The following GRIA1 variants were observed in gnomAD, a reference collection of about 807,000 sequenced individuals.
GRIA1 encodes glutamate receptor 1.
In GRIA1, 31 loss-of-function variants were observed where a neutral mutation model predicts 99.2. The ratio of observed to expected loss-of-function variants is 0.31; its 90% CI spans 0.23 to 0.42. The LOEUF (loss-of-function observed/expected upper bound fraction) is 0.42, where lower values mean the gene tolerates loss of function less well. Among genes scored for constraint, GRIA1 ranks in the 10% least tolerant of loss-of-function variants. The pLI, the probability that GRIA1 is intolerant of heterozygous loss-of-function variation, is 1.00. For missense variants in GRIA1, 782 were observed against 1,157.5 expected (o/e 0.68, Z 4.71); for synonymous variants, 438 against 432.4 (o/e 1.01, Z -0.16).
chr5:153,492,949 T>C (rs1252254566), intron 1 of GRIA1, among the ~76,000 whole-genome samples: 1 of 152,234 alleles, frequency 6.6e-6, no homozygotes, highest in African/African-American at 2.4e-5. Context: ...AAGTTAGAAG[T>C]GCATTATGTT....
chr5:153,604,062 T>C (rs1222119346), intron 2 of GRIA1, among the ~76,000 whole-genome samples: 1 of 152,224 alleles, frequency 6.6e-6, no homozygotes, highest in Non-Finnish European at 1.5e-5. Flanking sequence ...ATTTCATTTT[T>C]GTAATGTTAC....
intron 2 of GRIA1, among the ~76,000 whole-genome samples, chr5:153,580,360 A>C: frequency 6.6e-6 from 1 of 152,306 alleles, no homozygotes; most frequent in Non-Finnish European, 1.5e-5. Flanking sequence ...TAAATCTTCA[A>C]GTTCATTTAC....
intron 5 of GRIA1, among the ~76,000 whole-genome samples, chr5:153,658,393 C>T (rs2963943): frequency 0.45 from 68,033 of 151,948 alleles, 16,015 homozygotes; most frequent in Non-Finnish European, 0.5. Context: ...GCCTCTTGGG[C>T]TGTTGTATCC....
chr5:153,711,088 C>T (rs973252364), intron 11 of GRIA1, among the ~76,000 whole-genome samples: 10 of 152,098 alleles, frequency 6.6e-5, no homozygotes, highest in African/African-American at 1.2e-4. Flanking sequence ...ATCAAGAGAA[C>T]GGAGGTTTGA....
At chr5:153,697,597 T>A (rs1178148744) in intron 8 of GRIA1, among the ~76,000 whole-genome samples, 1 of 152,156 alleles carries the variant, frequency 6.6e-6, no homozygotes, top group Non-Finnish European at 1.5e-5. Flanking sequence ...ACAGTTAACC[T>A]AAAAATAAAG....
chr5:153,604,503 A>T (rs1765277863), intron 2 of GRIA1, among the ~76,000 whole-genome samples: 1 of 152,192 alleles, frequency 6.6e-6, no homozygotes, highest in Non-Finnish European at 1.5e-5. Flanking sequence ...TATATAGCAC[A>T]CTGTTTTATC....
At chr5:153,565,464 T>C (rs1005929069) in intron 2 of GRIA1, among the ~76,000 whole-genome samples, 2 of 152,226 alleles carry the variant, frequency 1.3e-5, no homozygotes, top group Non-Finnish European at 2.9e-5. Flanking sequence ...TCACATACCA[T>C]ATCATTCACC....
At chr5:153,663,265 T>A (rs1348161734) in intron 5 of GRIA1, among the ~76,000 whole-genome samples, 2 of 152,206 alleles carry the variant, frequency 1.3e-5, no homozygotes. Context: ...AAACCTTTTG[T>A]AAAGTCATTT....
chr5:153,811,096 G>C lies in GRIA1; in HGVS notation c.2592G>C (p.Gly864=). Reference sequence around the variant, plus strand: ...CATCGACCCTCCCCCGCAACAGCGGGGCAGGAGCCAGCAGCGGCGGCAGTG... The same window carrying C: ...CATCGACCCTCCCCCGCAACAGCGGCGCAGGAGCCAGCAGCGGCGGCAGTG... ...IRTSTLPRNS[G]AGASSGGSGE... The change falls in exon 16 of 16, where the codon GGG becomes GGC. Residue 864 remains glycine (G), a synonymous_variant. Coordinates refer to ENST00000285900, the MANE Select transcript of GRIA1 (RefSeq NM_000827.4). 6.2e-7 allele frequency: 1 copy of C among 1,614,106 alleles called. No individual in the cohort carries two copies. Among genetic ancestry groups the C allele is most frequent in the Non-Finnish European group, 8.5e-7 (1 of 1,179,970 alleles).
chr5:153,570,858 A>G (rs1383067436), intron 2 of GRIA1, among the ~76,000 whole-genome samples: 3 of 152,192 alleles, frequency 2.0e-5, no homozygotes, highest in Non-Finnish European at 4.4e-5. Context: ...AATAATTCCT[A>G]TAGTCAAATA....
chr5:153,503,898 T>C (rs1755240483), intron 2 of GRIA1, among the ~76,000 whole-genome samples: 1 of 152,192 alleles, frequency 6.6e-6, no homozygotes, highest in Non-Finnish European at 1.5e-5. Context: ...AGACATGCCC[T>C]CTAGATTTTT....
intron 13 of GRIA1, among the ~76,000 whole-genome samples, chr5:153,792,591 G>A (rs1335655995): frequency 1.3e-5 from 2 of 152,132 alleles, no homozygotes; most frequent in African/African-American, 4.8e-5. Flanking sequence ...CAAAACATAG[G>A]CAGTGGCTAT....
intron 5 of GRIA1, among the ~76,000 whole-genome samples, chr5:153,666,868 C>A (rs544351228): frequency 1.3e-4 from 20 of 152,290 alleles, no homozygotes; most frequent in Non-Finnish European, 2.4e-4. Flanking sequence ...TGGCTCTGGC[C>A]TGCGTTCCAG....
chr5:153,712,371 A>G (rs1469260475), intron 11 of GRIA1, among the ~76,000 whole-genome samples: 1 of 152,012 alleles, frequency 6.6e-6, no homozygotes, highest in Non-Finnish European at 1.5e-5. Context: ...CTTTTAACTG[A>G]CTCACGGTAG....
At chr5:153,495,249 T>TA (rs1163561810) in intron 2 of GRIA1, among the ~76,000 whole-genome samples, 1 of 152,264 alleles carries the variant, frequency 6.6e-6, no homozygotes, top group Non-Finnish European at 1.5e-5. Flanking sequence ...TACCATGTAT[T>TA]AAGCACTGAC....
chr5:153,773,385 G>A (rs1764009725), intron 13 of GRIA1, among the ~76,000 whole-genome samples: 1 of 152,132 alleles, frequency 6.6e-6, no homozygotes, highest in African/African-American at 2.4e-5. Context: ...ACTTGGGCCA[G>A]GTCCTTTGCA....
At chr5:153,783,013 C>T (rs1764735586) in intron 13 of GRIA1, among the ~76,000 whole-genome samples, 1 of 152,164 alleles carries the variant, frequency 6.6e-6, no homozygotes, top group Admixed American at 6.5e-5. Context: ...AGAGGGCCAG[C>T]AGGGTCAGGC....
chr5:153,502,153 T>C (rs1194689711), intron 2 of GRIA1, among the ~76,000 whole-genome samples: 1 of 152,192 alleles, frequency 6.6e-6, no homozygotes, highest in Non-Finnish European at 1.5e-5. Flanking sequence ...ACCATCTCCC[T>C]AGCAATGGTC....
At chr5:153,621,065 C>T (rs1202683522) in intron 2 of GRIA1, among the ~76,000 whole-genome samples, 1 of 152,088 alleles carries the variant, frequency 6.6e-6, no homozygotes, top group Non-Finnish European at 1.5e-5. Context: ...AACATAGTGG[C>T]CCTGGATTTT....
Sources: allele counts gnomAD v4.1 joint callset (sites outside exome capture counted in the v4.1 genomes callset), GRCh38; gene constraint gnomAD v4.1.1; transcripts MANE v1.5; gene names NCBI Gene and HGNC (gene_info 2026-07-23, HGNC 2026-07-21).